Variants in MKLN1 observed in about 807,000 individuals in gnomAD.
MKLN1 encodes muskelin 1.
In MKLN1, 18 loss-of-function variants were observed where a neutral mutation model predicts 99.0. The observed-to-expected ratio is 0.18, with a 90% CI of 0.13 to 0.27. The LOEUF is 0.27. MKLN1 is among the 10% of genes least tolerant of loss of function. The pLI, the probability that MKLN1 is intolerant of heterozygous loss-of-function variation, is 1.00. For missense variants in MKLN1, 621 were observed against 875.9 expected (o/e 0.71, Z 3.67); for synonymous variants, 288 against 293.2 (o/e 0.98, Z 0.18).
At chr7:131,258,012 T>C (rs914831763) in intron 3 of MKLN1, among the ~76,000 whole-genome samples, 2 of 151,778 alleles carry the variant, frequency 1.3e-5, no homozygotes, top group African/African-American at 4.8e-5. Flanking sequence ...TCCCAGCTAC[T>C]TGGGAGGCTG....
chr7:131,408,340 C>T (rs958816960), intron 6 of MKLN1, among the ~76,000 whole-genome samples: 11 of 152,170 alleles, frequency 7.2e-5, no homozygotes, highest in African/African-American at 2.4e-4. Flanking sequence ...TCTTTTTGAT[C>T]TAATCATTCT....
chr7:131,205,552 G>A (rs1031622177), intron 3 of MKLN1, among the ~76,000 whole-genome samples: 2 of 152,118 alleles, frequency 1.3e-5, no homozygotes, highest in Admixed American at 6.6e-5. Flanking sequence ...TAGGTCAGAA[G>A]TCCTGGTGGG....
At chr7:131,361,245 C>T (rs1040857395) in intron 1 of MKLN1, among the ~76,000 whole-genome samples, 3 of 151,758 alleles carry the variant, frequency 2.0e-5, no homozygotes, top group African/African-American at 7.2e-5. Context: ...CCTTTCTTTC[C>T]CTTCTCATAT....
At chr7:131,185,423 CAA>C (rs35268389) in intron 2 of MKLN1, among the ~76,000 whole-genome samples, 2 of 143,500 alleles carry the variant, frequency 1.4e-5, no homozygotes, top group Non-Finnish European at 1.5e-5. Context: ...ACTAAAAATA[CAA>C]AAAAAAAAAA....
intron 3 of MKLN1, among the ~76,000 whole-genome samples, chr7:131,265,593 G>T (rs919820118): frequency 6.6e-6 from 1 of 152,114 alleles, no homozygotes; most frequent in African/African-American, 2.4e-5. Flanking sequence ...AGAATCAAAG[G>T]AGTGTAAGAA....
At chr7:131,416,508 C>G (rs1314428627) in intron 8 of MKLN1, among the ~76,000 whole-genome samples, 1 of 149,502 alleles carries the variant, frequency 6.7e-6, no homozygotes, top group South Asian at 2.1e-4. Context: ...GTTATAAAGG[C>G]CTAGGTATTT....
chr7:131,306,044 C>A (rs1798460483), intron 3 of MKLN1, among the ~76,000 whole-genome samples: 1 of 152,156 alleles, frequency 6.6e-6, no homozygotes, highest in South Asian at 2.1e-4. Flanking sequence ...ATAGTGAGTT[C>A]TCAGGAGAGC....
chr7:131,408,536 G>C (rs1188675001), intron 6 of MKLN1, among the ~76,000 whole-genome samples: 1 of 152,042 alleles, frequency 6.6e-6, no homozygotes, highest in African/African-American at 2.4e-5. Flanking sequence ...TTTTGGTTTT[G>C]TTTTCTTTTT....
At chr7:131,225,469 C>G (rs770563821) in intron 3 of MKLN1, among the ~76,000 whole-genome samples, 3 of 152,194 alleles carry the variant, frequency 2.0e-5, no homozygotes, top group Non-Finnish European at 2.9e-5. Context: ...GCTGGAGTCC[C>G]AGCCACCTCA....
intron 3 of MKLN1, among the ~76,000 whole-genome samples, chr7:131,269,573 C>T (rs1320040457): frequency 6.6e-6 from 1 of 152,216 alleles, no homozygotes; most frequent in African/African-American, 2.4e-5. Context: ...TAGCTCATTG[C>T]AATATGTCTT....
At chr7:131,379,900 C>A (rs1444529939) in intron 2 of MKLN1, among the ~76,000 whole-genome samples, 1 of 152,122 alleles carries the variant, frequency 6.6e-6, no homozygotes, top group African/African-American at 2.4e-5. Context: ...CTATGGGAAT[C>A]TAAAAAGAAC....
At position 131,211,356 on chromosome 7, in the gene MKLN1, A is replaced by C. The variant is rs776657386; in HGVS notation, c.-179+8382A>C. Reference sequence around the variant, plus strand: ...ATCTACAGCAAACAAATATATGTATATATTTGCCAGTGGGCCATCAGAAAC... The same window carrying C: ...ATCTACAGCAAACAAATATATGTATCTATTTGCCAGTGGGCCATCAGAAAC... On this transcript the variant is annotated intron_variant, in intron 3 of 7. Coordinates refer to the MKLN1 transcript ENST00000416992. Among the ~76,000 whole-genome samples the C allele has an allele frequency of 2.6e-4, 40 of 152,198 alleles. 1 individual carries two copies. The highest frequency in any genetic ancestry group is 7.2e-4 in the Admixed American group (11 of 15,286).
At position 131,491,626 on chromosome 7, in the gene MKLN1, G is replaced by GA. The variant is rs1333997497; in HGVS notation, c.*3900dup. On this transcript the variant is annotated 3_prime_UTR_variant, in exon 18 of 18. Coordinates refer to ENST00000352689, the MANE Select transcript of MKLN1 (RefSeq NM_013255.5). ...ATTTCCAAGTTTGTTGAAATAATAC[G>GA]AAGCTGACTAGCTTACGTGAATGAT... is the stretch of plus-strand genomic sequence containing the variant. The GA allele has an allele frequency of 2.0e-5, 3 of 152,180 alleles. No homozygotes were observed. Among genetic ancestry groups the GA allele is most frequent in the African/African-American group, 7.2e-5 (3 of 41,432 alleles). 9.4% of individuals were successfully genotyped at this position (152,180 alleles called of 1,614,324 possible).
At chr7:131,131,896 G>A (rs1795557509) in intron 1 of MKLN1, among the ~76,000 whole-genome samples, 1 of 152,084 alleles carries the variant, frequency 6.6e-6, no homozygotes, top group African/African-American at 2.4e-5. Context: ...GGACCACTTC[G>A]CAGTGCAGGT....
intron 1 of MKLN1, among the ~76,000 whole-genome samples, chr7:131,333,700 C>T (rs1487266574): frequency 6.6e-6 from 1 of 152,126 alleles, no homozygotes; most frequent in East Asian, 1.9e-4. Flanking sequence ...CCATACCCAG[C>T]TAATTTTTTG....
chr7:131,422,913 C>T (rs1795249084), intron 8 of MKLN1, among the ~76,000 whole-genome samples: 1 of 152,116 alleles, frequency 6.6e-6, no homozygotes, highest in Non-Finnish European at 1.5e-5. Flanking sequence ...CTGAATTTGT[C>T]CTACTGGATC....
intron 16 of MKLN1, among the ~76,000 whole-genome samples, chr7:131,477,900 A>T (rs1338355816): frequency 6.6e-6 from 1 of 152,210 alleles, no homozygotes; most frequent in Non-Finnish European, 1.5e-5. Context: ...CTCATTCAAG[A>T]TAAATACAAA....
At chr7:131,334,852 G>A (rs1160042172) in intron 1 of MKLN1, among the ~76,000 whole-genome samples, 1 of 152,298 alleles carries the variant, frequency 6.6e-6, no homozygotes, top group East Asian at 1.9e-4. Flanking sequence ...TGTATAAAAT[G>A]TTTCAAAGAA....
intron 3 of MKLN1, among the ~76,000 whole-genome samples, chr7:131,255,680 G>C (rs960481383): frequency 6.6e-6 from 1 of 152,016 alleles, no homozygotes; most frequent in African/African-American, 2.4e-5. Context: ...CCAGGTTCAA[G>C]TAATTCTCCT....
Sources: allele counts gnomAD v4.1 joint callset (sites outside exome capture counted in the v4.1 genomes callset), GRCh38; gene constraint gnomAD v4.1.1; transcripts MANE v1.5; gene names NCBI Gene and HGNC (gene_info 2026-07-23, HGNC 2026-07-21).